Variants in TASP1 observed in about 807,000 individuals in gnomAD.
TASP1 encodes the protein taspase 1, also known as threonine aspartase 1.
In TASP1, 16 loss-of-function variants were observed where a neutral mutation model predicts 56.6. The ratio of observed to expected loss-of-function variants is 0.28; its 90% CI spans 0.19 to 0.43. The LOEUF is 0.43. Ranked by LOEUF, TASP1 falls within the 20% of genes least tolerant of loss-of-function variation. The pLI, the probability that TASP1 is intolerant of heterozygous loss-of-function variation, is 1.00. For missense variants in TASP1, 393 were observed against 511.6 expected, an observed-to-expected ratio of 0.77 and a Z score of 2.24; for synonymous variants, 179 against 184.2, an observed-to-expected ratio of 0.97 and a Z score of 0.23.
chr20:13,220,949 A>T, the TASP1 span, among the ~76,000 whole-genome samples: 4 of 151,726 alleles, frequency 2.6e-5, no homozygotes, highest in Admixed American at 2.6e-4. Flanking sequence ...CGTCACAGCG[A>T]CCTCGGCAGC....
intron 4 of TASP1, among the ~76,000 whole-genome samples, chr20:13,593,380 G>A (rs1011381282): frequency 2.0e-5 from 3 of 152,198 alleles, no homozygotes; most frequent in Admixed American, 1.3e-4. Flanking sequence ...AGGCCACGGA[G>A]GGTGAGCCGA....
At chr20:13,178,083 TGGG>T in the TASP1 span, among the ~76,000 whole-genome samples, 2 of 151,854 alleles carry the variant, frequency 1.3e-5, no homozygotes, top group Admixed American at 6.6e-5. Context: ...AATGTAAAAA[TGGG>T]CAAATGATCT....
chr20:13,144,593 T>A, the TASP1 span, among the ~76,000 whole-genome samples: 2 of 152,214 alleles, frequency 1.3e-5, no homozygotes, highest in Non-Finnish European at 2.9e-5. Context: ...CTTCAGTTAT[T>A]ATCAATCATT....
chr20:13,494,516 T>A (rs564122119), intron 10 of TASP1, among the ~76,000 whole-genome samples: 1 of 152,294 alleles, frequency 6.6e-6, no homozygotes, highest in East Asian at 1.9e-4. Flanking sequence ...ACTGACTCAC[T>A]GATTAAATAA....
At chr20:13,154,022 A>G in the TASP1 span, 1 of 1,614,126 alleles carries the variant, frequency 6.2e-7, no homozygotes, top group Non-Finnish European at 8.5e-7. Context: ...GAGTACAGCA[A>G]CTTGCGAAAA....
chr20:13,619,917 T>C (rs1327960438), intron 4 of TASP1, among the ~76,000 whole-genome samples: 5 of 152,228 alleles, frequency 3.3e-5, no homozygotes, highest in Non-Finnish European at 5.9e-5. Flanking sequence ...TTTTCTTCCC[T>C]GCATTTTGAA....
chr20:13,554,790 A>G (rs1414015063), intron 8 of TASP1, among the ~76,000 whole-genome samples: 2 of 152,234 alleles, frequency 1.3e-5, no homozygotes, highest in South Asian at 2.1e-4. Context: ...TTGCTAAAAA[A>G]TGTTACTCAT....
At chr20:13,154,246 A>G in the TASP1 span, 1 of 1,397,016 alleles carries the variant, frequency 7.2e-7, no homozygotes, top group Non-Finnish European at 9.8e-7. Context: ...GAGTGAGTTC[A>G]GAATTCACTC....
intron 7 of TASP1, among the ~76,000 whole-genome samples, chr20:13,564,461 G>T (rs2046446394): frequency 6.6e-6 from 1 of 151,552 alleles, no homozygotes; most frequent in African/African-American, 2.4e-5. Flanking sequence ...AAGACACCCA[G>T]GTTCATGAAT....
At chr20:13,352,558 T>C in the TASP1 span, among the ~76,000 whole-genome samples, 1 of 152,198 alleles carries the variant, frequency 6.6e-6, no homozygotes, top group African/African-American at 2.4e-5. Context: ...CTTCAGCATA[T>C]TACATTCAAT....
chr20:13,638,015 T>C (rs2049373365), intron 1 of TASP1, among the ~76,000 whole-genome samples: 1 of 152,190 alleles, frequency 6.6e-6, no homozygotes. Context: ...TGATCACAAA[T>C]AGGTTAATAT....
intron 13 of TASP1, chr20:13,393,388 A>G (rs1568739662): frequency 1.2e-5 from 9 of 745,270 alleles, no homozygotes; most frequent in Middle Eastern, 3.8e-4. Flanking sequence ...CCCATTGCCA[A>G]TGTGTCAGTT....
At position 13,563,204 on chromosome 20, in the gene TASP1, T is replaced by C. The variant is rs570566633; in HGVS notation, c.569-4090A>G. On this transcript the variant is annotated intron_variant, in intron 7 of 13. Coordinates refer to ENST00000337743, the MANE Select transcript of TASP1 (RefSeq NM_017714.3). ...AATGGCCTAAATGAAATTAACAAAG[T>C]CCAATAACACAAAACCTACAAGACT... is the stretch of plus-strand genomic sequence containing the variant. Among the ~76,000 whole-genome samples, 8 of 150,740 alleles carry C rather than the reference T, an allele frequency of 5.3e-5. No homozygotes were observed. In the East Asian group the frequency reaches 1.6e-3, roughly 30 times the overall value.
the TASP1 span, among the ~76,000 whole-genome samples, chr20:13,208,223 T>C: frequency 6.6e-6 from 1 of 152,188 alleles, no homozygotes; most frequent in South Asian, 2.1e-4. Flanking sequence ...AACTGAGTAA[T>C]GTATTAAGTA....
At chr20:13,454,212 A>G (rs2043740323) in intron 11 of TASP1, among the ~76,000 whole-genome samples, 1 of 152,146 alleles carries the variant, frequency 6.6e-6, no homozygotes, top group Admixed American at 6.6e-5. Flanking sequence ...GGGATAAGAC[A>G]GTGAATTTAT....
chr20:13,325,392 G>C, the TASP1 span, among the ~76,000 whole-genome samples: 1 of 152,178 alleles, frequency 6.6e-6, no homozygotes, highest in East Asian at 1.9e-4. Context: ...TCTGGTATCT[G>C]TCTCCATAAA....
intron 11 of TASP1, among the ~76,000 whole-genome samples, chr20:13,469,472 T>A (rs2044389146): frequency 6.6e-6 from 1 of 152,220 alleles, no homozygotes; most frequent in Admixed American, 6.5e-5. Context: ...TTCCAGTAAG[T>A]CCATCTTATT....
At chr20:13,309,851 CA>C in the TASP1 span, among the ~76,000 whole-genome samples, 34,488 of 151,460 alleles carry the variant, frequency 0.23, 5,740 homozygotes, top group African/African-American at 0.47. Flanking sequence ...ACAACAGCAT[CA>C]AAAAAAACTA....
rs138401812 is a variant in TASP1, at chr20:13,549,835, C to A, written c.675+9173G>T. Among the ~76,000 whole-genome samples the A allele has an allele frequency of 4.0e-3, 614 of 152,022 alleles. 4 individuals carry two copies. Among genetic ancestry groups the A allele is most frequent in the African/African-American group, 0.014 (584 of 41,514 alleles). ...CCGTTAAATACTACAAATTTTAAGT[C>A]TCTACAGAGCTATTAAATACTCAAA... On this transcript the variant is annotated intron_variant, in intron 8 of 13. Transcript: ENST00000337743.
Sources: allele counts gnomAD v4.1 joint callset (sites outside exome capture counted in the v4.1 genomes callset), GRCh38; gene constraint gnomAD v4.1.1; transcripts MANE v1.5; gene names NCBI Gene and HGNC (gene_info 2026-07-23, HGNC 2026-07-21).